The following EPHA6 variants were observed in gnomAD, a reference collection of about 807,000 sequenced individuals.
EPHA6 encodes ephrin type-A receptor 6.
In EPHA6, 50 loss-of-function variants were observed where a neutral mutation model predicts 112.0. The ratio of observed to expected loss-of-function variants is 0.45; its 90% confidence interval spans 0.36 to 0.56. The LOEUF is 0.56. Ranked by LOEUF, EPHA6 falls within the 20% of genes least tolerant of loss-of-function variation. The pLI, the probability that EPHA6 is intolerant of heterozygous loss-of-function variation, is 0.00. For missense variants in EPHA6, 1,280 were observed against 1,417.4 expected, an observed-to-expected ratio of 0.90 and a Z score of 1.56; for synonymous variants, 529 against 490.7, an observed-to-expected ratio of 1.08 and a Z score of -1.03.
At chr3:97,433,330 A>G (rs990420353) in intron 6 of EPHA6, among the ~76,000 whole-genome samples, 2 of 152,194 alleles carry the variant, frequency 1.3e-5, no homozygotes, top group African/African-American at 4.8e-5. Context: ...TGAAGACTCA[A>G]AATCTCATGA....
chr3:97,637,748 G>C (rs2093960910), intron 13 of EPHA6, 125 bp from the exon 14 acceptor site: 1 of 703,416 alleles, frequency 1.4e-6, no homozygotes, highest in Non-Finnish European at 2.4e-6. Flanking sequence ...TATAGTCAGT[G>C]ATCACCAAAG....
At chr3:97,481,665 C>G (rs897388707) in intron 9 of EPHA6, among the ~76,000 whole-genome samples, 1 of 151,734 alleles carries the variant, frequency 6.6e-6, no homozygotes, top group African/African-American at 2.4e-5. Context: ...CTGCCTTCAA[C>G]GGCCGCCCGG....
At chr3:97,363,013 G>T (rs199819043) in intron 5 of EPHA6, among the ~76,000 whole-genome samples, 2 of 150,044 alleles carry the variant, frequency 1.3e-5, no homozygotes, top group East Asian at 3.9e-4. Context: ...TGCAGGTTTT[G>T]CTTTTTCTAG....
At chr3:97,327,810 C>A (rs1333330637) in intron 5 of EPHA6, among the ~76,000 whole-genome samples, 1 of 147,186 alleles carries the variant, frequency 6.8e-6, no homozygotes, top group Admixed American at 6.9e-5. Context: ...ATTTTTATTG[C>A]TGAATGATAT....
chr3:97,664,914 A>G (rs572657352), intron 14 of EPHA6, among the ~76,000 whole-genome samples: 1 of 152,214 alleles, frequency 6.6e-6, no homozygotes, highest in Non-Finnish European at 1.5e-5. Context: ...TATAGATTCA[A>G]TGCCAACCCC....
chr3:97,068,159 AAAAAAG>A (rs1012725948), intron 3 of EPHA6, among the ~76,000 whole-genome samples: 3 of 142,664 alleles, frequency 2.1e-5, no homozygotes, highest in Non-Finnish European at 4.5e-5. Context: ...CATCTCAAAA[AAAAAAG>A]AAAAAAAAAA....
At chr3:96,965,763 T>C (rs190739164) in intron 2 of EPHA6, among the ~76,000 whole-genome samples, 1 of 152,266 alleles carries the variant, frequency 6.6e-6, no homozygotes, top group Admixed American at 6.6e-5. Context: ...ATACTATGTA[T>C]TAATGTATAA....
chr3:97,676,242 A>T (rs151124098), intron 14 of EPHA6, among the ~76,000 whole-genome samples: 1 of 152,202 alleles, frequency 6.6e-6, no homozygotes, highest in Admixed American at 6.5e-5. Flanking sequence ...GAGGCTGAGA[A>T]TATGAGGAGG....
At chr3:97,604,057 T>G (rs1205041869) in intron 12 of EPHA6, among the ~76,000 whole-genome samples, 1 of 151,814 alleles carries the variant, frequency 6.6e-6, no homozygotes, top group African/African-American at 2.4e-5. Flanking sequence ...TATTCTCTGT[T>G]TTAAACACAT....
intron 11 of EPHA6, among the ~76,000 whole-genome samples, chr3:97,575,779 G>A (rs1424169051): frequency 6.6e-6 from 1 of 152,108 alleles, no homozygotes; most frequent in African/African-American, 2.4e-5. Flanking sequence ...GGAAATATAA[G>A]CACGGAAATT....
intron 3 of EPHA6, among the ~76,000 whole-genome samples, chr3:97,214,038 T>TGTGTGTGAGAGA (rs1491420279): frequency 0.016 from 1,234 of 77,704 alleles, 41 homozygotes; most frequent in Admixed American, 0.093. Flanking sequence ...TGTGTGTGTG[T>TGTGTGTGAGAGA]GAGAGAGAGA....
At chr3:97,556,801 C>T (rs1425789981) in intron 11 of EPHA6, among the ~76,000 whole-genome samples, 2 of 151,874 alleles carry the variant, frequency 1.3e-5, no homozygotes, top group Non-Finnish European at 2.9e-5. Flanking sequence ...AACTGAAAAT[C>T]CTTTAAAACA....
intron 3 of EPHA6, among the ~76,000 whole-genome samples, chr3:96,996,939 C>T (rs2043445753): frequency 6.6e-6 from 1 of 152,014 alleles, no homozygotes; most frequent in Admixed American, 6.6e-5. Context: ...TACATTGAAA[C>T]CCTAAATGTG....
chr3:97,648,924 T>G (rs1465451923), intron 14 of EPHA6, among the ~76,000 whole-genome samples: 2 of 151,996 alleles, frequency 1.3e-5, no homozygotes, highest in Non-Finnish European at 2.9e-5. Flanking sequence ...TAAAATGCAT[T>G]TTACTCTAAC....
chr3:97,493,930 G>A (rs1202140769), intron 10 of EPHA6, among the ~76,000 whole-genome samples: 1 of 152,072 alleles, frequency 6.6e-6, no homozygotes, highest in East Asian at 1.9e-4. Context: ...TATAAAGATG[G>A]TACAATTTCA....
chr3:97,359,476 C>T (rs1316926764), intron 5 of EPHA6, among the ~76,000 whole-genome samples: 15 of 146,846 alleles, frequency 1.0e-4, no homozygotes, highest in African/African-American at 3.5e-4. Context: ...ATTCTCTATA[C>T]TTTCTTTTAG....
chr3:97,375,417 A>G (rs185639819), intron 5 of EPHA6, among the ~76,000 whole-genome samples: 5 of 152,310 alleles, frequency 3.3e-5, no homozygotes, highest in Admixed American at 2.0e-4. Flanking sequence ...TCTTCTTACC[A>G]AGGCTAGATG....
chr3:97,460,964 G>T (rs1267137695), intron 7 of EPHA6, among the ~76,000 whole-genome samples: 2 of 152,100 alleles, frequency 1.3e-5, no homozygotes, highest in Non-Finnish European at 1.5e-5. Flanking sequence ...AGATATTCTG[G>T]TGCAGAGTAA....
At chr3:97,399,655 A>G in intron 5 of EPHA6, among the ~76,000 whole-genome samples, 1 of 151,486 alleles carries the variant, frequency 6.6e-6, no homozygotes, top group Non-Finnish European at 1.5e-5. Context: ...AGTTTATTGT[A>G]ATTTTGATTT....
Sources: allele counts gnomAD v4.1 joint callset (sites outside exome capture counted in the v4.1 genomes callset), GRCh38; gene constraint gnomAD v4.1.1; transcripts MANE v1.5; gene names NCBI Gene and HGNC (gene_info 2026-07-23, HGNC 2026-07-21).